Variants in IFI35 observed in about 807,000 individuals in gnomAD.
The protein encoded by IFI35 is interferon induced protein 35.
IFI35 carries 30 observed loss-of-function variants against 28.6 expected under a neutral mutation model. That is an observed-to-expected ratio of 1.05 (90% CI 0.79 to 1.43). The LOEUF is 1.43. IFI35 is among the 40% of genes most tolerant of loss of function. The pLI, the probability that IFI35 is intolerant of heterozygous loss-of-function variation, is 0.00. For missense variants in IFI35, 372 were observed against 356.9 expected, an observed-to-expected ratio of 1.04 and a Z score of -0.34; for synonymous variants, 146 against 154.8, an observed-to-expected ratio of 0.94 and a Z score of 0.42.
In IFI35 at chr17:43,007,847, T is replaced by TTATATATATA. The variant is rs68028192; in HGVS notation, c.21+896_21+905dup. On this transcript the variant is annotated intron_variant, in intron 1 of 6. Transcript: ENST00000415816. ...TCTCACACACACACACACACAAAAT[T>TTATATATATA]TATATATATATATATATATATATAT... 9.8e-4 allele frequency among the ~76,000 whole-genome samples: 117 copies of TTATATATATA among 119,028 alleles called. 1 individual carries two copies. The highest frequency in any genetic ancestry group is 2.2e-3 in the African/African-American group (57 of 25,978). 78.1% of individuals were successfully genotyped at this position (119,028 alleles called of 152,430 possible). A position where few individuals can be genotyped will look rare whatever the true frequency, so the allele number is the denominator to read the frequency against.
chr17:43,013,384 GAC>G lies in IFI35; in HGVS notation c.375+13_375+14del. 1 of 1,613,580 alleles carries G rather than the reference GAC, an allele frequency of 6.2e-7. No individual in the cohort carries two copies. The highest frequency in any genetic ancestry group is 8.5e-7 in the Non-Finnish European group (1 of 1,179,580). ...GTCACCACCATCCAGGTGATGGTATGACAGAATCCTGGGGCATGCAAAGCATG... is the reference window on the plus strand; with the variant it reads ...GTCACCACCATCCAGGTGATGGTATGAGAATCCTGGGGCATGCAAAGCATG... On this transcript the variant is annotated intron_variant, in intron 4 of 6. Coordinates refer to ENST00000415816, the MANE Select transcript of IFI35 (RefSeq NM_001330230.2).
chr17:43,012,343 A>G lies in IFI35; in HGVS notation c.120+66A>G, dbSNP rs186763191. ...GGCGAGGCCGGGTGCGGTGGCTCACACCTGTAAACCCAGCACTTTGGTAGG... is the reference window on the plus strand; with the variant it reads ...GGCGAGGCCGGGTGCGGTGGCTCACGCCTGTAAACCCAGCACTTTGGTAGG... On this transcript the variant is annotated intron_variant, in intron 2 of 6. Transcript: ENST00000415816. 1.8e-5 allele frequency: 21 copies of G among 1,180,154 alleles called. No individual in the cohort carries two copies. The East Asian group carries it at 5.5e-4, about 31-fold the overall frequency. The allele number at this position is 1,180,154 out of a possible 1,614,324, so 73.1% of individuals were successfully genotyped here.
chr17:43,013,280 G>A lies in IFI35; in HGVS notation c.282G>A (p.Val94=). The change falls in exon 4 of 7, where the codon GTG becomes GTA. Residue 94 remains valine (V), a synonymous_variant. Coordinates refer to ENST00000415816, the MANE Select transcript of IFI35 (RefSeq NM_001330230.2). ...CCCACCACCCAGTGGCTGAGCAGGTGCTGCAACAAAAGGAGCACACGATCA... is the reference window on the plus strand; with the variant it reads ...CCCACCACCCAGTGGCTGAGCAGGTACTGCAACAAAAGGAGCACACGATCA... The part of the protein sequence containing the change: ...TFDDPKVAEQ[V]LQQKEHTINM... The A allele has an allele frequency of 6.2e-7, 1 of 1,614,174 alleles. No individual in the cohort carries two copies. Among genetic ancestry groups the A allele is most frequent in the Non-Finnish European group, 8.5e-7 (1 of 1,180,016 alleles).
chr17:43,012,092 C>A lies in IFI35; in HGVS notation c.22-87C>A. Reference sequence around the variant, plus strand: ...CTTAGCATCAACTCTGCTTTTGGAGCGTCCAGAATAGGCCCCACTTCCCCT... The same window carrying A: ...CTTAGCATCAACTCTGCTTTTGGAGAGTCCAGAATAGGCCCCACTTCCCCT... On this transcript the variant is annotated intron_variant, in intron 1 of 6. Coordinates refer to ENST00000415816, the MANE Select transcript of IFI35 (RefSeq NM_001330230.2). 4.5e-6 allele frequency: 4 copies of A among 896,352 alleles called. No individual in the cohort carries two copies. In the South Asian group the frequency reaches 5.3e-5, roughly 12 times the overall value. 55.5% of individuals were successfully genotyped at this position (896,352 alleles called of 1,614,324 possible). A position where few individuals can be genotyped will look rare whatever the true frequency, so the allele number is the denominator to read the frequency against.
intron 1 of IFI35, among the ~76,000 whole-genome samples, chr17:43,007,268 C>A (rs563529103): frequency 6.6e-6 from 1 of 152,114 alleles, no homozygotes; most frequent in Non-Finnish European, 1.5e-5. Flanking sequence ...TGTTCTAGGC[C>A]GGGCGTGGTG....
chr17:43,011,676 G>A (rs995474930), intron 1 of IFI35, among the ~76,000 whole-genome samples: 11 of 152,152 alleles, frequency 7.2e-5, no homozygotes, highest in African/African-American at 1.4e-4. Flanking sequence ...CTTAGTAAAC[G>A]TTAGTTAAGA....
intron 1 of IFI35, among the ~76,000 whole-genome samples, chr17:43,010,497 A>G (rs2050449046): frequency 6.6e-6 from 1 of 152,196 alleles, no homozygotes; most frequent in South Asian, 2.1e-4. Flanking sequence ...CCAGTGCGTC[A>G]GAGTCCCCAC....
chr17:43,012,295 G>A lies in IFI35; in HGVS notation c.120+18G>A, dbSNP rs768665185. Reference sequence around the variant, plus strand: ...AAGACAAGGTAAGGTGGGAGATCTGGTGTTGTTTGGTAAAAACGAGCTGGC... The same window carrying A: ...AAGACAAGGTAAGGTGGGAGATCTGATGTTGTTTGGTAAAAACGAGCTGGC... On this transcript the variant is annotated intron_variant, in intron 2 of 6. Coordinates refer to ENST00000415816, the MANE Select transcript of IFI35 (RefSeq NM_001330230.2). 10 of 1,547,222 alleles carry A rather than the reference G, an allele frequency of 6.5e-6. No individual in the cohort carries two copies. Among genetic ancestry groups the A allele is most frequent in the Non-Finnish European group, 7.9e-6 (9 of 1,141,654 alleles).
In IFI35 at chr17:43,014,399, C is replaced by A. The variant is rs745427207; in HGVS notation, c.*100C>A. On this transcript the variant is annotated 3_prime_UTR_variant, in exon 7 of 7. Transcript: ENST00000415816. Reference sequence around the variant, plus strand: ...GAGGTCTGTATGTTCACCAACAGTGCGGAGGGGTCACACATTGCAAAACAC... The same window carrying A: ...GAGGTCTGTATGTTCACCAACAGTGAGGAGGGGTCACACATTGCAAAACAC... The A allele has an allele frequency of 1.6e-5, 12 of 756,410 alleles. No homozygotes were observed. Among genetic ancestry groups the A allele is most frequent in the Non-Finnish European group, 2.1e-5 (10 of 480,914 alleles). 46.9% of individuals were successfully genotyped at this position (756,410 alleles called of 1,614,324 possible).
Position 43,013,772 on chromosome 17 carries a change from A to T in IFI35, c.563-4A>T, listed in dbSNP as rs1597781421. On this transcript the variant is annotated splice_region_variant and splice_polypyrimidine_tract_variant and intron_variant, in intron 5 of 6. Transcript: ENST00000415816. ...AAAGGCCCACCCCTCCTTGCTCCCC[A>T]CAGTGGCTCAGCGTCTGTGCCAAAT... is the stretch of plus-strand genomic sequence containing the variant. 3.7e-6 allele frequency: 6 copies of T among 1,613,294 alleles called. No homozygotes were observed. Among genetic ancestry groups the T allele is most frequent in the East Asian group, 4.5e-5 (2 of 44,858 alleles).
Position 43,014,324 on chromosome 17 carries a change from A to C in IFI35, c.*25A>C, listed in dbSNP as rs1597782210. On this transcript the variant is annotated 3_prime_UTR_variant, in exon 7 of 7. Coordinates refer to ENST00000415816, the MANE Select transcript of IFI35 (RefSeq NM_001330230.2). ...GGGGCCTCCCCTTCTCATCCTCCCCACCCCCCCGCCAAGGTTCTCACACTG... is the reference window on the plus strand; with the variant it reads ...GGGGCCTCCCCTTCTCATCCTCCCCCCCCCCCCGCCAAGGTTCTCACACTG... The C allele has an allele frequency of 6.8e-7, 1 of 1,481,194 alleles. No individual in the cohort carries two copies. The highest frequency in any genetic ancestry group is 9.0e-7 in the Non-Finnish European group (1 of 1,108,694). The allele number at this position is 1,481,194 out of a possible 1,614,324, so 91.8% of individuals were successfully genotyped here. A position where few individuals can be genotyped will look rare whatever the true frequency, so the allele number is the denominator to read the frequency against.
rs781198006 is a variant in IFI35 at position 43,013,027 on chromosome 17, C to A, written c.121-20C>A. ...TAGGTGGGAGTGAGGAACACTCCTA[C>A]TCCCCTCCCCTACTTCCAGGTCCCA... On this transcript the variant is annotated intron_variant, in intron 2 of 6. Transcript: ENST00000415816. The A allele has an allele frequency of 1.2e-6, 2 of 1,612,028 alleles. No homozygotes were observed. Among genetic ancestry groups the A allele is most frequent in the Admixed American group, 3.3e-5 (2 of 59,898 alleles).
chr17:43,013,634 T>A lies in IFI35; in HGVS notation c.534T>A (p.Ser178Arg). ...ACGTTCGGGAGCTACTGCCAGGGAG[T>A]GTCATGCTGGGGTTTGCTAGGGATG... ...DVDVRELLPG[S>R]VMLGFARDGV... is the part of the protein sequence containing the mutation. Residue 178 changes from serine (S) to arginine (R), a missense_variant, in exon 5 of 7, where the codon AGT becomes AGA. Ser to Arg is a moderately radical substitution (Grantham distance 110, BLOSUM62 -1). Transcript: ENST00000415816. 1 of 1,610,862 alleles carries A rather than the reference T, an allele frequency of 6.2e-7. No individual in the cohort carries two copies.
Position 43,014,283 on chromosome 17 carries a change from C to G in IFI35, c.845C>G (p.Thr282Ser). ...GGACAGCAGGGCCTAGCAGTCTTCA[C>G]CTCTGAGTCAGGCTAGGGGCCTCCC... is the stretch of plus-strand genomic sequence containing the variant. Reference protein sequence around the residue: ...PQGQQGLAVFTSESG With the variant: ...PQGQQGLAVFSSESG Residue 282 changes from threonine (T) to serine (S), a missense_variant, in exon 7 of 7, where the codon ACC becomes AGC. Coordinates refer to ENST00000415816, the MANE Select transcript of IFI35 (RefSeq NM_001330230.2). The G allele has an allele frequency of 1.3e-6, 2 of 1,569,872 alleles. No individual in the cohort carries two copies. Among genetic ancestry groups the G allele is most frequent in the South Asian group, 2.4e-5 (2 of 83,788 alleles).
intron 1 of IFI35, among the ~76,000 whole-genome samples, chr17:43,007,387 C>T (rs1005582773): frequency 4.6e-5 from 7 of 151,970 alleles, no homozygotes; most frequent in African/African-American, 1.7e-4. Context: ...CGCCTGTAAT[C>T]CCAGCTACTT....
chr17:43,014,381 G>A lies in IFI35; in HGVS notation c.*82G>A. On this transcript the variant is annotated 3_prime_UTR_variant, in exon 7 of 7. Transcript: ENST00000415816. ...GCTTGGGTGCCCATATAGGAGGTCT[G>A]TATGTTCACCAACAGTGCGGAGGGG... The A allele has an allele frequency of 2.1e-6, 2 of 964,760 alleles. No homozygotes were observed. The highest frequency in any genetic ancestry group is 3.0e-6 in the Non-Finnish European group (2 of 658,208). 59.8% of individuals were successfully genotyped at this position (964,760 alleles called of 1,614,324 possible). A position where few individuals can be genotyped will look rare whatever the true frequency, so the allele number is the denominator to read the frequency against.
intron 1 of IFI35, 39 bp from the exon 2 acceptor site, chr17:43,012,140 G>GGC: frequency 1.4e-6 from 2 of 1,433,468 alleles, no homozygotes; most frequent in South Asian, 1.3e-5. Context: ...TCTCTGGAAG[G>GGC]GCGGGTAGAA....
At chr17:43,008,592 C>G (rs1300406200) in intron 1 of IFI35, among the ~76,000 whole-genome samples, 1 of 139,288 alleles carries the variant, frequency 7.2e-6, no homozygotes, top group African/African-American at 2.7e-5. Flanking sequence ...GGCAGGATCT[C>G]GGCTCACAGC....
At chr17:43,012,917 C>T (rs1204059100) in intron 2 of IFI35, 130 bp from the exon 3 acceptor site, 6 of 1,004,006 alleles carry the variant, frequency 6.0e-6, no homozygotes, top group Non-Finnish European at 9.0e-6. Flanking sequence ...CATTCATCCA[C>T]TCATTTATCC....
Sources: allele counts gnomAD v4.1 joint callset (sites outside exome capture counted in the v4.1 genomes callset), GRCh38; gene constraint gnomAD v4.1.1; transcripts MANE v1.5; gene names NCBI Gene and HGNC (gene_info 2026-07-23, HGNC 2026-07-21).